ESD: variants seen among roughly 807,000 people sequenced by gnomAD.
ESD encodes S-formylglutathione hydrolase.
A neutral mutation model predicts 38.1 loss-of-function variants in ESD; 34 were observed. That is an observed-to-expected ratio of 0.89 (90% confidence interval 0.68 to 1.19). The LOEUF (loss-of-function observed/expected upper bound fraction) is 1.19, where lower values mean the gene tolerates loss of function less well. Ranked by LOEUF, ESD falls within the 50% of genes most tolerant of loss-of-function variation. ESD has a pLI of 0.00. For synonymous variants in ESD, 97 were observed against 107.0 expected, an observed-to-expected ratio of 0.91 and a Z score of 0.58; for missense variants, 334 against 327.2, an observed-to-expected ratio of 1.02 and a Z score of -0.16.
chr13:46,774,310 T>C (rs946142069), intron 9 of ESD, among the ~76,000 whole-genome samples: 1 of 152,180 alleles, frequency 6.6e-6, no homozygotes, highest in African/African-American at 2.4e-5. Flanking sequence ...CCAAGAATTT[T>C]AAAAAATGTC....
intron 8 of ESD, among the ~76,000 whole-genome samples, chr13:46,778,628 A>G (rs528992965): frequency 1.3e-4 from 19 of 151,890 alleles, no homozygotes; most frequent in Non-Finnish European, 1.0e-4. Context: ...CTTCTATTAG[A>G]CCATAAGCCC....
chr13:46,789,348 T>C (rs867539296), intron 3 of ESD, among the ~76,000 whole-genome samples: 17 of 152,214 alleles, frequency 1.1e-4, no homozygotes, highest in African/African-American at 3.4e-4. Flanking sequence ...TGGTTGGACA[T>C]AGAAGTTATC....
chr13:46,791,521 T>C (rs932507503), intron 2 of ESD, 101 bp from the exon 3 acceptor site: 3 of 807,172 alleles, frequency 3.7e-6, no homozygotes, highest in Admixed American at 3.0e-5. Flanking sequence ...AACATACAAC[T>C]ATTTTCTACT....
intron 1 of ESD, among the ~76,000 whole-genome samples, chr13:46,794,786 CA>C (rs1875522089): frequency 6.6e-6 from 1 of 152,172 alleles, no homozygotes; most frequent in Non-Finnish European, 1.5e-5. Context: ...CTGTGTTGTT[CA>C]AATCCTCTTC....
chr13:46,789,460 T>A (rs948427986), intron 3 of ESD, among the ~76,000 whole-genome samples: 1 of 152,186 alleles, frequency 6.6e-6, no homozygotes, highest in South Asian at 2.1e-4. Context: ...TTTCTCTTTT[T>A]CTCAATGTTT....
chr13:46,786,834 A>G (rs1875210080), intron 4 of ESD, among the ~76,000 whole-genome samples, 187 bp downstream of exon 4: 1 of 152,002 alleles, frequency 6.6e-6, no homozygotes, highest in Admixed American at 6.6e-5. Flanking sequence ...AAAATATATG[A>G]AATAAATATA....
Position 46,781,480 on chromosome 13 carries a change from G to A in ESD, c.501+16C>T, listed in dbSNP as rs756449772. The A allele has an allele frequency of 6.3e-7, 1 of 1,576,050 alleles. No individual in the cohort carries two copies. Among genetic ancestry groups the A allele is most frequent in the South Asian group, 1.2e-5 (1 of 84,948 alleles). ...TCAAGAGAAATATTTATCACTAGAA[G>A]TTTAGATAATCTTACTTTGTATTTT... On this transcript the variant is annotated intron_variant, in intron 7 of 9. Coordinates refer to ENST00000378720, the MANE Select transcript of ESD (RefSeq NM_001984.2).
At position 46,771,267 on chromosome 13, in the gene ESD, T is replaced by C; in HGVS notation, c.*149A>G. 1.9e-6 allele frequency: 1 copy of C among 517,492 alleles called. No individual in the cohort carries two copies. Among genetic ancestry groups the C allele is most frequent in the South Asian group, 2.9e-5 (1 of 34,066 alleles). The allele number at this position is 517,492 out of a possible 1,614,324, so 32.1% of individuals were successfully genotyped here. A position where few individuals can be genotyped will look rare whatever the true frequency, so the allele number is the denominator to read the frequency against. On this transcript the variant is annotated 3_prime_UTR_variant, in exon 10 of 10. Transcript: ENST00000378720. ...TTTAAAATCAGAAGTAGGTTTTATA[T>C]CTTTATTCAGAGGTGATTCAACTAT... is the stretch of plus-strand genomic sequence containing the variant.
At chr13:46,782,633 C>T (rs1158011323) in intron 6 of ESD, 34 bp downstream of exon 6, 2 of 1,603,076 alleles carry the variant, frequency 1.2e-6, no homozygotes, top group Admixed American at 3.4e-5. Flanking sequence ...TCTTGGCAGT[C>T]ATCAATTAAT....
Position 46,771,303 on chromosome 13 carries a change from C to T in ESD, c.*113G>A, listed in dbSNP as rs1874594200. 4.7e-6 allele frequency: 3 copies of T among 632,220 alleles called. No homozygotes were observed. Among genetic ancestry groups the T allele is most frequent in the Admixed American group, 2.9e-5 (1 of 34,432 alleles). 39.2% of individuals were successfully genotyped at this position (632,220 alleles called of 1,614,324 possible). ...AGGTGATTCAACTATAGAATAAAGC[C>T]CTTTTAGCACTATAAAATCCAATGT... On this transcript the variant is annotated 3_prime_UTR_variant, in exon 10 of 10. Coordinates refer to ENST00000378720, the MANE Select transcript of ESD (RefSeq NM_001984.2).
intron 1 of ESD, among the ~76,000 whole-genome samples, chr13:46,793,648 C>T (rs1391386263): frequency 6.6e-6 from 1 of 152,196 alleles, no homozygotes; most frequent in Non-Finnish European, 1.5e-5. Context: ...CACCTTAATA[C>T]CTATTTTGCC....
intron 9 of ESD, 49 bp from the exon 10 acceptor site, chr13:46,771,545 C>CAGTATTAGGAACATT (rs1469736235): frequency 8.5e-7 from 1 of 1,172,226 alleles, no homozygotes; most frequent in African/African-American, 1.5e-5. Context: ...TCAGGAACAT[C>CAGTATTAGGAACATT]AGTATTAGGA....
Position 46,771,355 on chromosome 13 carries a change from C to T in ESD, c.*61G>A. The T allele has an allele frequency of 9.5e-7, 1 of 1,056,082 alleles. No individual in the cohort carries two copies. The highest frequency in any genetic ancestry group is 1.4e-6 in the Non-Finnish European group (1 of 725,386). The allele number at this position is 1,056,082 out of a possible 1,614,324, so 65.4% of individuals were successfully genotyped here. The stretch of plus-strand genomic sequence containing the variant: ...TTGAATTTTTTTTTTTTTTGCTCAG[C>T]AATACAGTTGCATTTTACAACTTTT... On this transcript the variant is annotated 3_prime_UTR_variant, in exon 10 of 10. Transcript: ENST00000378720.
At chr13:46,790,889 C>T (rs1044274330) in intron 3 of ESD, among the ~76,000 whole-genome samples, 2 of 152,058 alleles carry the variant, frequency 1.3e-5, no homozygotes, top group Non-Finnish European at 2.9e-5. Context: ...CTGTCTCCTG[C>T]TTCTTTATGC....
At chr13:46,785,936 C>T (rs1350821384) in intron 4 of ESD, among the ~76,000 whole-genome samples, 1 of 151,912 alleles carries the variant, frequency 6.6e-6, no homozygotes, top group Non-Finnish European at 1.5e-5. Flanking sequence ...GGAGAAAAAA[C>T]TAAATACAGC....
In ESD at chr13:46,772,906, G is replaced by A. The variant is rs141274697; in HGVS notation, c.769-1410C>T. 5.8e-3 allele frequency among the ~76,000 whole-genome samples: 886 copies of A among 152,142 alleles called. 11 individuals carry two copies. Among genetic ancestry groups the A allele is most frequent in the African/African-American group, 0.02 (814 of 41,526 alleles). On this transcript the variant is annotated intron_variant, in intron 9 of 9. Coordinates refer to ENST00000378720, the MANE Select transcript of ESD (RefSeq NM_001984.2). ...TCGCCATGTTAGCCAGGATGGTCTC[G>A]ATCTCCTGACCTTGTGATCCGTCCA... is the stretch of plus-strand genomic sequence containing the variant.
intron 3 of ESD, among the ~76,000 whole-genome samples, chr13:46,788,264 C>T (rs1875266568): frequency 6.6e-6 from 1 of 152,002 alleles, no homozygotes; most frequent in African/African-American, 2.4e-5. Flanking sequence ...TTTCTGTATG[C>T]TCCTTTCCAT....
chr13:46,787,908 T>A (rs1875251201), intron 3 of ESD, among the ~76,000 whole-genome samples: 1 of 151,956 alleles, frequency 6.6e-6, no homozygotes, highest in Non-Finnish European at 1.5e-5. Context: ...TATGTCCCTA[T>A]CTACATAATA....
intron 3 of ESD, among the ~76,000 whole-genome samples, chr13:46,788,954 A>G (rs986869958): frequency 2.6e-5 from 4 of 152,154 alleles, no homozygotes; most frequent in African/African-American, 9.7e-5. Flanking sequence ...CTACAGTGAT[A>G]TTAATAAAAA....
Sources: allele counts gnomAD v4.1 joint callset (sites outside exome capture counted in the v4.1 genomes callset), GRCh38; gene constraint gnomAD v4.1.1; transcripts MANE v1.5; gene names NCBI Gene and HGNC (gene_info 2026-07-23, HGNC 2026-07-21).